The following SEMA6B variants were observed in gnomAD, a reference collection of about 807,000 sequenced individuals.
SEMA6B encodes semaphorin-6B.
Under a neutral mutation model 78.6 loss-of-function variants are expected in SEMA6B, and 47 were observed. The observed-to-expected ratio is 0.60, with a 90% CI of 0.47 to 0.76. The LOEUF (loss-of-function observed/expected upper bound fraction) is 0.76, where lower values mean the gene tolerates loss of function less well. SEMA6B is among the 30% of genes least tolerant of loss of function. SEMA6B has a pLI of 0.00. For missense variants in SEMA6B, 1,213 were observed against 1,269.9 expected (o/e 0.96, Z 0.68); for synonymous variants, 632 against 592.2 (o/e 1.07, Z -0.98).
At chr19:4,553,297 A>T (rs749570570) in intron 9 of SEMA6B, among the ~76,000 whole-genome samples, 13 of 150,978 alleles carry the variant, frequency 8.6e-5, no homozygotes, top group Non-Finnish European at 1.8e-4. Context: ...TAAGTGGATG[A>T]ATGAATGGAT....
rs78509791 is a variant in SEMA6B at position 4,554,787 on chromosome 19, T to C, written c.682+189A>G. 7.5e-3 allele frequency among the ~76,000 whole-genome samples: 1,135 copies of C among 152,320 alleles called. 11 individuals are homozygous for C. The highest frequency in any genetic ancestry group is 0.026 in the African/African-American group (1,079 of 41,568). ...TTCTAAGCCACCCACTTCCAGCGGGTTCTACTTTAGATCCAACTAAACTTG... is the reference window on the plus strand; with the variant it reads ...TTCTAAGCCACCCACTTCCAGCGGGCTCTACTTTAGATCCAACTAAACTTG... On this transcript the variant is annotated intron_variant, in intron 8 of 16. Transcript: ENST00000586582.
chr19:4,557,903 C>T, intron 3 of SEMA6B, 123 bp downstream of exon 3: 1 of 852,928 alleles, frequency 1.2e-6, no homozygotes, highest in Non-Finnish European at 1.6e-6. Context: ...AGCCTAAGTC[C>T]TCCCAATGGC....
chr19:4,546,852 G>A (rs969350216), intron 14 of SEMA6B, among the ~76,000 whole-genome samples: 2 of 152,086 alleles, frequency 1.3e-5, no homozygotes, highest in Non-Finnish European at 2.9e-5. Context: ...CTGACCTCAA[G>A]TGATCCACCC....
Position 4,546,272 on chromosome 19 carries a change from G to A in SEMA6B, c.1682C>T (p.Ala561Val). ...SCIFLSPGTR[A>V]AFEQDVSGAS... ...CCCGGACACGTCCTGCTCAAAGGCG[G>A]CTCTAATGGGGAGAGGAGGCACCGT... is the stretch of plus-strand genomic sequence containing the variant. Residue 561 changes from alanine (A) to valine (V), a missense_variant and splice_region_variant, in exon 16 of 17, where the codon GCC (alanine) becomes GTC (valine). By Grantham distance (64) the Ala-to-Val change is moderately conservative (BLOSUM62 0). Coordinates refer to ENST00000586582, the MANE Select transcript of SEMA6B (RefSeq NM_032108.4). 1 of 1,613,464 alleles carries A rather than the reference G, an allele frequency of 6.2e-7. No individual in the cohort carries two copies. Among genetic ancestry groups the A allele is most frequent in the Non-Finnish European group, 8.5e-7 (1 of 1,179,856 alleles).
Position 4,557,181 on chromosome 19 carries a change from C to G in SEMA6B, c.288G>C (p.Thr96=), listed in dbSNP as rs768794585. ...YRVELEPPTS[T]ELRYQRKLTW... is the part of the protein sequence containing the mutation. ...TCCTCACCCTCTGGTACCGCAGCTC[C>G]GTGGACGTGGGGGGCTCCAGCTCTA... Residue 96 remains threonine (T), a synonymous_variant, in exon 4 of 17, where the codon ACG becomes ACC. Coordinates refer to ENST00000586582, the MANE Select transcript of SEMA6B (RefSeq NM_032108.4). 5.0e-6 allele frequency: 8 copies of G among 1,608,660 alleles called. No homozygotes were observed. In the Admixed American group the frequency reaches 1.3e-4, roughly 27 times the overall value.
In SEMA6B at chr19:4,542,605, G is replaced by C; in HGVS notation, c.*996C>G. 1 of 483,826 alleles carries C rather than the reference G, an allele frequency of 2.1e-6. No homozygotes were observed. The highest frequency in any genetic ancestry group is 3.8e-6 in the Non-Finnish European group (1 of 260,626). 30.0% of individuals were successfully genotyped at this position (483,826 alleles called of 1,614,324 possible). On this transcript the variant is annotated 3_prime_UTR_variant, in exon 17 of 17. Transcript: ENST00000586582. ...TCATGGGGGCCGGTGGTTGTAAACA[G>C]AGTTTTATTGATGGGGAGGGGGCTG...
Position 4,552,788 on chromosome 19 carries a change from C to A in SEMA6B, c.772-149G>T. 1.5e-6 allele frequency: 1 copy of A among 672,588 alleles called. No individual in the cohort carries two copies. The highest frequency in any genetic ancestry group is 2.4e-6 in the Non-Finnish European group (1 of 409,780). 41.7% of individuals were successfully genotyped at this position (672,588 alleles called of 1,614,324 possible). On this transcript the variant is annotated intron_variant, in intron 9 of 16. Transcript: ENST00000586582. The surrounding 1 kb of genome is among the most constrained non-coding windows in gnomAD (Gnocchi z 7.4). Reference sequence around the variant, plus strand: ...CGGCCAGTCACCGTTCCTCTCTGGGCACCGGCTTCCCTGGCAGAAATTCCC... The same window carrying A: ...CGGCCAGTCACCGTTCCTCTCTGGGAACCGGCTTCCCTGGCAGAAATTCCC...
At chr19:4,557,482 C>T (rs1022522804) in intron 3 of SEMA6B, among the ~76,000 whole-genome samples, 2 of 152,204 alleles carry the variant, frequency 1.3e-5, no homozygotes, top group African/African-American at 4.8e-5. Context: ...GTGCCCCACT[C>T]GGCGCCTCCC....
rs1977309141 is a variant in SEMA6B, at chr19:4,550,812, C to G, written c.1108G>C (p.Val370Leu). 1 of 1,613,298 alleles carries G rather than the reference C, an allele frequency of 6.2e-7. No homozygotes were observed. The highest frequency in any genetic ancestry group is 1.7e-5 in the Admixed American group (1 of 59,988). Reference sequence around the variant, plus strand: ...GGGGGTTCTCACCGGGGTCGAGGCACCTGATCCTCCGGCACCGGCGTCCAG... The same window carrying G: ...GGGGGTTCTCACCGGGGTCGAGGCAGCTGATCCTCCGGCACCGGCGTCCAG... ...SIWTPVPEDQ[V>L]PRPRPGCCAA... The change falls in exon 11 of 17, where the codon GTG (valine) becomes CTG (leucine). Residue 370 changes from valine (V) to leucine (L), a missense_variant. Transcript: ENST00000586582. This position sits in a 1 kb window ranked among gnomAD's most constrained non-coding sequence, Gnocchi z 6.6.
rs1977295584 is a variant in SEMA6B, at chr19:4,550,415, C to T, written c.1122-143G>A. On this transcript the variant is annotated intron_variant, in intron 11 of 16. Coordinates refer to ENST00000586582, the MANE Select transcript of SEMA6B (RefSeq NM_032108.4). This position sits in a 1 kb window ranked among gnomAD's most constrained non-coding sequence, Gnocchi z 6.6. ...TTTGAGACAGAGTCTCAATCTGTCG[C>T]CCAGGCTGGAGTGCTTTGGCTCACT... is the stretch of plus-strand genomic sequence containing the variant. 2.2e-6 allele frequency: 2 copies of T among 920,854 alleles called. No homozygotes were observed. The highest frequency in any genetic ancestry group is 1.6e-5 in the South Asian group (1 of 61,184). 57.0% of individuals were successfully genotyped at this position (920,854 alleles called of 1,614,324 possible).
Position 4,555,365 on chromosome 19 carries a change from G to T in SEMA6B, c.562+109C>A. The T allele has an allele frequency of 1.0e-6, 1 of 994,882 alleles. No individual in the cohort carries two copies. Among genetic ancestry groups the T allele is most frequent in the Non-Finnish European group, 1.5e-6 (1 of 667,970 alleles). The allele number at this position is 994,882 out of a possible 1,614,324, so 61.6% of individuals were successfully genotyped here. ...GAGAGTCTGCCCATGTCACAGCTGG[G>T]ACAAGTGGTCGTCCAGCTGCCTTCT... On this transcript the variant is annotated intron_variant, in intron 7 of 16. Coordinates refer to ENST00000586582, the MANE Select transcript of SEMA6B (RefSeq NM_032108.4). This position sits in a 1 kb window ranked among gnomAD's most constrained non-coding sequence, Gnocchi z 6.1.
chr19:4,545,873 G>A (rs1177864237), intron 16 of SEMA6B: 3 of 185,814 alleles, frequency 1.6e-5, no homozygotes, highest in East Asian at 1.4e-4. Context: ...CCGGATTCAC[G>A]CCATTCTCCT....
In SEMA6B at chr19:4,546,160, C is replaced by T. The variant is rs545690803; in HGVS notation, c.1738+56G>A. 7.3e-6 allele frequency: 11 copies of T among 1,514,760 alleles called. No homozygotes were observed. The East Asian group carries it at 2.3e-4, about 32-fold the overall frequency. 93.8% of individuals were successfully genotyped at this position (1,514,760 alleles called of 1,614,324 possible). A position where few individuals can be genotyped will look rare whatever the true frequency, so the allele number is the denominator to read the frequency against. The stretch of plus-strand genomic sequence containing the variant: ...CGAGGGTCCTCCAGCCTCCTCCCTC[C>T]CCTCCCCCATGGTAGTGGGGGATGG... On this transcript the variant is annotated intron_variant, in intron 16 of 16. Transcript: ENST00000586582.
chr19:4,551,286 C>T (rs1977325824), intron 10 of SEMA6B, among the ~76,000 whole-genome samples: 1 of 149,148 alleles, frequency 6.7e-6, no homozygotes, highest in Non-Finnish European at 1.5e-5. Context: ...GTGACGTGAT[C>T]TCAGGTCACT....
chr19:4,550,071 C>A lies in SEMA6B; in HGVS notation c.1271+52G>T. 1 of 1,586,334 alleles carries A rather than the reference C, an allele frequency of 6.3e-7. No homozygotes were observed. The highest frequency in any genetic ancestry group is 8.6e-7 in the Non-Finnish European group (1 of 1,159,542). On this transcript the variant is annotated intron_variant, in intron 12 of 16. Transcript: ENST00000586582. This position sits in a 1 kb window ranked among gnomAD's most constrained non-coding sequence, Gnocchi z 6.6. The stretch of plus-strand genomic sequence containing the variant: ...TGAGCATCTGGATCCTCTCACCCTC[C>A]ATCTACCCCATCCTGTCTCCCCTCG...
At chr19:4,551,680 T>C (rs1399733378) in intron 10 of SEMA6B, among the ~76,000 whole-genome samples, 2 of 151,490 alleles carry the variant, frequency 1.3e-5, no homozygotes, top group Non-Finnish European at 2.9e-5. Context: ...AAATACAAAA[T>C]AAGCTGGGTG....
In SEMA6B at chr19:4,557,172, C is replaced by T; in HGVS notation, c.297G>A (p.Arg99=). 6.2e-7 allele frequency: 1 copy of T among 1,609,832 alleles called. No individual in the cohort carries two copies. Among genetic ancestry groups the T allele is most frequent in the Non-Finnish European group, 8.5e-7 (1 of 1,177,554 alleles). Residue 99 remains arginine (R), a synonymous_variant, in exon 4 of 17, where the codon CGG becomes CGA. Coordinates refer to ENST00000586582, the MANE Select transcript of SEMA6B (RefSeq NM_032108.4). The stretch of plus-strand genomic sequence containing the variant: ...TGCACCCCTTCCTCACCCTCTGGTA[C>T]CGCAGCTCCGTGGACGTGGGGGGCT... ...ELEPPTSTEL[R]YQRKLTWRSN... is the part of the protein sequence containing the mutation.
intron 12 of SEMA6B, among the ~76,000 whole-genome samples, chr19:4,549,281 GTGTC>G (rs966497015): frequency 2.7e-5 from 4 of 147,058 alleles, no homozygotes; most frequent in Non-Finnish European, 3.0e-5. Context: ...CTCCTGGTGT[GTGTC>G]TGTCTGTCTA....
rs778541247 is a variant in SEMA6B, at chr19:4,555,943, A to C, written c.471+45T>G. The stretch of plus-strand genomic sequence containing the variant: ...TGGCCAGCGGAGGTCGGGCGAGCAG[A>C]GGCCTGGAGGTTGGACCTGGGGCGC... On this transcript the variant is annotated intron_variant, in intron 6 of 16. Transcript: ENST00000586582. This position sits in a 1 kb window ranked among gnomAD's most constrained non-coding sequence, Gnocchi z 6.1. 1 of 1,477,088 alleles carries C rather than the reference A, an allele frequency of 6.8e-7. No individual in the cohort carries two copies. Among genetic ancestry groups the C allele is most frequent in the East Asian group, 2.3e-5 (1 of 44,196 alleles). The allele number at this position is 1,477,088 out of a possible 1,614,324, so 91.5% of individuals were successfully genotyped here.
Sources: gnomAD v4.1 joint callset for allele counts (sites outside exome capture counted in the v4.1 genomes callset) on GRCh38, gnomAD v4.1.1 for gene constraint, Gnocchi (gnomAD v3.1) non-coding constraint, MANE v1.5 for transcripts, NCBI Gene and HGNC (gene_info 2026-07-23, HGNC 2026-07-21) for gene names.